Variants in DLGAP1 observed in about 807,000 individuals in gnomAD.
DLGAP1 encodes disks large-associated protein 1.
DLGAP1 carries 11 observed loss-of-function variants against 90.8 expected under a neutral mutation model. The observed-to-expected ratio is 0.12, with a 90% CI of 0.08 to 0.20. DLGAP1 has a LOEUF of 0.20. DLGAP1 is among the 10% of genes least tolerant of loss of function. The probability of loss-of-function intolerance (pLI) is 1.00; values close to 1 mark genes in which losing one functional copy is unlikely to be tolerated. For synonymous variants in DLGAP1, 558 were observed against 540.7 expected, an observed-to-expected ratio of 1.03 and a Z score of -0.44; for missense variants, 1,050 against 1,333.8, an observed-to-expected ratio of 0.79 and a Z score of 3.31.
At chr18:4,450,423 T>G (rs1185100902) in intron 1 of DLGAP1, among the ~76,000 whole-genome samples, 1 of 152,166 alleles carries the variant, frequency 6.6e-6, no homozygotes, top group Non-Finnish European at 1.5e-5. Context: ...TCAAATTAGC[T>G]AAAACCGTGT....
intron 2 of DLGAP1, among the ~76,000 whole-genome samples, chr18:4,060,862 A>G (rs1239731731): frequency 6.6e-6 from 1 of 152,216 alleles, no homozygotes; most frequent in Non-Finnish European, 1.5e-5. Flanking sequence ...CATGTTGTAT[A>G]TGATCTATGT....
At chr18:4,292,368 G>T (rs867073605) in intron 1 of DLGAP1, among the ~76,000 whole-genome samples, 1 of 151,954 alleles carries the variant, frequency 6.6e-6, no homozygotes, top group Non-Finnish European at 1.5e-5. Flanking sequence ...TCCCATGGTT[G>T]CCACAGCTAC....
At chr18:4,374,254 A>G (rs557341233) in intron 1 of DLGAP1, among the ~76,000 whole-genome samples, 13 of 152,306 alleles carry the variant, frequency 8.5e-5, no homozygotes, top group Non-Finnish European at 1.3e-4. Context: ...AAGAAAACAC[A>G]AACACACAAA....
intron 2 of DLGAP1, among the ~76,000 whole-genome samples, chr18:4,136,043 T>C (rs904547017): frequency 6.6e-6 from 1 of 151,412 alleles, no homozygotes; most frequent in African/African-American, 2.4e-5. Context: ...ACAGGCCCGA[T>C]GTGTGATGTT....
At chr18:4,331,288 C>A (rs116969029) in intron 1 of DLGAP1, among the ~76,000 whole-genome samples, 1 of 151,708 alleles carries the variant, frequency 6.6e-6, no homozygotes, top group African/African-American at 2.4e-5. Context: ...TTATCGAGCT[C>A]TCTATAGGTC....
At chr18:3,954,921 ACT>A (rs769940605) in intron 3 of DLGAP1, among the ~76,000 whole-genome samples, 4 of 152,144 alleles carry the variant, frequency 2.6e-5, no homozygotes, top group Non-Finnish European at 5.9e-5. Flanking sequence ...CAGCGCGCAG[ACT>A]CTCTGAATTT....
chr18:3,889,248 A>G (rs772144596), intron 3 of DLGAP1, among the ~76,000 whole-genome samples: 20 of 152,188 alleles, frequency 1.3e-4, no homozygotes, highest in Non-Finnish European at 2.6e-4. Context: ...AACAATGACA[A>G]TCAAAACAAT....
intron 7 of DLGAP1, chr18:3,596,729 G>T (rs1028041298): frequency 1.1e-5 from 5 of 451,532 alleles, no homozygotes; most frequent in African/African-American, 4.1e-5. Flanking sequence ...GATGAGAAGA[G>T]ACTTCCTGGA....
intron 1 of DLGAP1, chr18:4,264,776 C>T (rs2079071270): frequency 6.6e-6 from 1 of 152,160 alleles, no homozygotes; most frequent in Non-Finnish European, 1.5e-5. Flanking sequence ...TTTTAATGTT[C>T]CAGACTAATT....
chr18:4,063,384 T>C (rs769733143), intron 2 of DLGAP1, among the ~76,000 whole-genome samples: 110 of 152,262 alleles, frequency 7.2e-4, no homozygotes, highest in Non-Finnish European at 1.2e-3. Context: ...GGAAAGTCTC[T>C]TATTTATCTG....
rs549648809 is a variant in DLGAP1 at position 4,031,303 on chromosome 18, A to C, written c.-158-26102T>G. Among the ~76,000 whole-genome samples, 25 of 152,368 alleles carry C rather than the reference A, an allele frequency of 1.6e-4. No homozygotes were observed. In the East Asian group the frequency reaches 4.8e-3, roughly 29 times the overall value. The stretch of plus-strand genomic sequence containing the variant: ...AGTTTTAGCTGGTTAATCAGTATCA[A>C]AAGTTGGCTTCCTATTAGATGATAC... On this transcript the variant is annotated intron_variant, in intron 2 of 12. Transcript: ENST00000315677.
chr18:4,290,395 T>C (rs2079816118), intron 1 of DLGAP1, among the ~76,000 whole-genome samples: 1 of 152,194 alleles, frequency 6.6e-6, no homozygotes, highest in Admixed American at 6.6e-5. Context: ...TTAGTTGAGA[T>C]AATCTGTAAA....
At chr18:4,282,191 C>A (rs866152452) in intron 1 of DLGAP1, among the ~76,000 whole-genome samples, 1 of 151,876 alleles carries the variant, frequency 6.6e-6, no homozygotes, top group Non-Finnish European at 1.5e-5. Context: ...GGTGAAACTC[C>A]GTCTCTACTA....
intron 1 of DLGAP1, among the ~76,000 whole-genome samples, chr18:4,274,097 G>C (rs1206160510): frequency 2.7e-5 from 4 of 150,924 alleles, no homozygotes; most frequent in South Asian, 4.2e-4. Flanking sequence ...CCGTCTTAAG[G>C]TGGAAGGTTA....
At chr18:3,728,793 C>T (rs1027484794) in intron 7 of DLGAP1, among the ~76,000 whole-genome samples, 6 of 152,172 alleles carry the variant, frequency 3.9e-5, no homozygotes, top group Non-Finnish European at 7.4e-5. Flanking sequence ...CCTAAAAGGC[C>T]GAGCCTAATT....
intron 7 of DLGAP1, among the ~76,000 whole-genome samples, chr18:3,644,271 A>C (rs192831710): frequency 1.3e-3 from 205 of 152,316 alleles, no homozygotes; most frequent in African/African-American, 4.8e-3. Context: ...TTATTGACAG[A>C]TTTGAGAGTT....
intron 9 of DLGAP1, among the ~76,000 whole-genome samples, chr18:3,553,699 A>G (rs1340838198): frequency 6.7e-6 from 1 of 150,032 alleles, no homozygotes; most frequent in Non-Finnish European, 1.5e-5. Context: ...ATGCCTGGCT[A>G]ATTTTTGTAT....
intron 1 of DLGAP1, among the ~76,000 whole-genome samples, chr18:4,330,806 T>A (rs1166889173): frequency 6.6e-6 from 1 of 151,922 alleles, no homozygotes; most frequent in Non-Finnish European, 1.5e-5. Context: ...CTGGGTTATG[T>A]TCTTGGTGTG....
intron 1 of DLGAP1, among the ~76,000 whole-genome samples, chr18:4,244,632 C>T (rs1441907254): frequency 6.6e-6 from 1 of 152,076 alleles, no homozygotes; most frequent in Non-Finnish European, 1.5e-5. Flanking sequence ...AAGGTTGTTC[C>T]CCTCCCGAGC....
Sources: gnomAD v4.1 joint callset for allele counts (sites outside exome capture counted in the v4.1 genomes callset) on GRCh38, gnomAD v4.1.1 for gene constraint, MANE v1.5 for transcripts, NCBI Gene and HGNC (gene_info 2026-07-23, HGNC 2026-07-21) for gene names.